Variants in NAALADL2 observed in about 807,000 individuals in gnomAD.
NAALADL2 encodes the protein N-acetylated alpha-linked acidic dipeptidase like 2.
In NAALADL2, 76 loss-of-function variants were observed where a neutral mutation model predicts 87.2. The ratio of observed to expected loss-of-function variants is 0.87; its 90% CI spans 0.72 to 1.05. The LOEUF is 1.05. NAALADL2 is among the 50% of genes least tolerant of loss of function. The pLI is 0.00. For synonymous variants in NAALADL2, 354 were observed against 331.0 expected, an observed-to-expected ratio of 1.07 and a Z score of -0.75; for missense variants, 1,089 against 945.8, an observed-to-expected ratio of 1.15 and a Z score of -1.99.
Position 175,803,104 on chromosome 3 carries a change from A to G in NAALADL2, c.2289A>G (p.Gln763=), listed in dbSNP as rs1754383482. ...CKPLASNETL[Q]EALSEVLNSI... is the part of the protein sequence containing the mutation. ...CCCTTGCATCAAATGAGACCCTTCA[A>G]GAAGCCCTGTCAGAGGTGTTGAACA... The change falls in exon 14 of 14, where the codon CAA becomes CAG. Residue 763 remains glutamine (Q), a synonymous_variant. Coordinates refer to ENST00000454872, the MANE Select transcript of NAALADL2 (RefSeq NM_207015.3). 3 of 1,612,496 alleles carry G rather than the reference A, an allele frequency of 1.9e-6. No individual in the cohort carries two copies. Among genetic ancestry groups the G allele is most frequent in the South Asian group, 1.1e-5 (1 of 91,052 alleles).
At chr3:175,565,421 C>T (rs940193660) in intron 9 of NAALADL2, among the ~76,000 whole-genome samples, 3 of 152,010 alleles carry the variant, frequency 2.0e-5, no homozygotes, top group African/African-American at 7.3e-5. Context: ...ACACACAAAC[C>T]GTGTAAGCAA....
intron 2 of NAALADL2, among the ~76,000 whole-genome samples, chr3:174,588,833 C>T (rs1451156848): frequency 1.3e-5 from 2 of 152,166 alleles, no homozygotes; most frequent in East Asian, 3.9e-4. Context: ...CAGGGACCCA[C>T]TTGAGGAGGC....
chr3:174,663,145 G>A (rs1725661236), intron 2 of NAALADL2, among the ~76,000 whole-genome samples: 1 of 151,826 alleles, frequency 6.6e-6, no homozygotes, highest in Admixed American at 6.6e-5. Flanking sequence ...CTTGAAAAGG[G>A]GAAAATTAAA....
chr3:174,618,377 G>C (rs1720683231), intron 2 of NAALADL2, among the ~76,000 whole-genome samples: 2 of 151,778 alleles, frequency 1.3e-5, no homozygotes, highest in Non-Finnish European at 3.0e-5. Flanking sequence ...ATTAAATTCT[G>C]TCAAGTCTCT....
chr3:175,312,414 C>A (rs1405622069), intron 4 of NAALADL2, among the ~76,000 whole-genome samples: 1 of 151,238 alleles, frequency 6.6e-6, no homozygotes, highest in Non-Finnish European at 1.5e-5. Flanking sequence ...GTACATTAAT[C>A]CCCATGACAG....
chr3:174,500,999 G>A (rs914142623), intron 1 of NAALADL2, among the ~76,000 whole-genome samples: 4 of 150,440 alleles, frequency 2.7e-5, no homozygotes, highest in Admixed American at 2.0e-4. Flanking sequence ...TGGGATTATA[G>A]GCGCCCGCCA....
At chr3:174,670,419 C>A (rs904501182) in intron 2 of NAALADL2, among the ~76,000 whole-genome samples, 1 of 151,866 alleles carries the variant, frequency 6.6e-6, no homozygotes, top group African/African-American at 2.4e-5. Flanking sequence ...TTTTCTTTTT[C>A]CATTGATAAA....
At chr3:174,453,161 T>G (rs184219916) in intron 1 of NAALADL2, among the ~76,000 whole-genome samples, 1 of 152,178 alleles carries the variant, frequency 6.6e-6, no homozygotes, top group East Asian at 1.9e-4. Flanking sequence ...AATAGCATAA[T>G]AGAAAACTGA....
chr3:174,625,669 C>T (rs570759922), intron 2 of NAALADL2, among the ~76,000 whole-genome samples: 57 of 151,574 alleles, frequency 3.8e-4, no homozygotes, highest in African/African-American at 1.3e-3. Flanking sequence ...GAAAAATGTC[C>T]AAGTAGAAAG....
chr3:174,441,424 A>G (rs972437677), intron 1 of NAALADL2, among the ~76,000 whole-genome samples: 3 of 152,224 alleles, frequency 2.0e-5, no homozygotes, highest in Non-Finnish European at 4.4e-5. Context: ...ACACGTATGC[A>G]GTGCACGCCG....
chr3:175,181,777 A>ATGTGTATGTATG (rs36191548), intron 2 of NAALADL2, among the ~76,000 whole-genome samples: 1 of 67,002 alleles, frequency 1.5e-5, no homozygotes, highest in African/African-American at 4.4e-5. Context: ...GTGTGTATAT[A>ATGTGTATGTATG]TGTATATATA....
chr3:175,774,410 A>G (rs1293641177), intron 13 of NAALADL2, among the ~76,000 whole-genome samples: 1 of 152,050 alleles, frequency 6.6e-6, no homozygotes, highest in East Asian at 1.9e-4. Flanking sequence ...TCATTTTAAA[A>G]GAAAAAGTTA....
chr3:174,776,454 T>C (rs1715221348), intron 3 of NAALADL2, among the ~76,000 whole-genome samples: 1 of 152,140 alleles, frequency 6.6e-6, no homozygotes, highest in Non-Finnish European at 1.5e-5. Context: ...ACACTTCTTA[T>C]TGAAATCTTA....
At chr3:175,453,745 A>G (rs1021908974) in intron 6 of NAALADL2, among the ~76,000 whole-genome samples, 1 of 152,042 alleles carries the variant, frequency 6.6e-6, no homozygotes, top group Non-Finnish European at 1.5e-5. Flanking sequence ...ACGCTGTGTA[A>G]TTGTCTATTC....
intron 2 of NAALADL2, among the ~76,000 whole-genome samples, chr3:175,212,828 A>G (rs552862943): frequency 1.8e-4 from 28 of 152,180 alleles, no homozygotes; most frequent in Non-Finnish European, 3.2e-4. Flanking sequence ...GAAAGTTCGT[A>G]TGAAATACTT....
intron 5 of NAALADL2, among the ~76,000 whole-genome samples, chr3:175,404,441 T>C (rs1711920455): frequency 6.6e-6 from 1 of 152,136 alleles, no homozygotes. Flanking sequence ...TAGCCACAAC[T>C]TCTGAAGGAA....
At chr3:174,981,017 C>G (rs1308584827) in intron 1 of NAALADL2, among the ~76,000 whole-genome samples, 1 of 151,994 alleles carries the variant, frequency 6.6e-6, no homozygotes, top group East Asian at 1.9e-4. Flanking sequence ...AAAAATAAAG[C>G]CCTAGGGTAA....
rs1409940967 is a variant in NAALADL2 at position 174,829,583 on chromosome 3, C to T, written c.-9+91837C>T. Among the ~76,000 whole-genome samples, 6 of 141,374 alleles carry T rather than the reference C, an allele frequency of 4.2e-5. No homozygotes were observed. The Admixed American group carries it at 4.3e-4, about 10-fold the overall frequency. 92.7% of individuals were successfully genotyped at this position (141,374 alleles called of 152,430 possible). A position where few individuals can be genotyped will look rare whatever the true frequency, so the allele number is the denominator to read the frequency against. The stretch of plus-strand genomic sequence containing the variant: ...TAATGCCGCAATAAACATACGTGTG[C>T]ATGTGTCTTTATAGCAGCATGATTT... On this transcript the variant is annotated intron_variant, in intron 3 of 3. Transcript: ENST00000434257.
chr3:174,683,387 C>T (rs775587125), intron 2 of NAALADL2, among the ~76,000 whole-genome samples: 75 of 151,942 alleles, frequency 4.9e-4, no homozygotes, highest in African/African-American at 1.7e-3. Context: ...GAAATTGTAC[C>T]ACAGGTGAGA....
Sources: allele counts gnomAD v4.1 joint callset (sites outside exome capture counted in the v4.1 genomes callset), GRCh38; gene constraint gnomAD v4.1.1; transcripts MANE v1.5; gene names NCBI Gene and HGNC (gene_info 2026-07-23, HGNC 2026-07-21).